Variants in MACROD1 observed in about 807,000 individuals in gnomAD.
The protein encoded by MACROD1 is mono-ADP ribosylhydrolase 1, also known as ADP-ribose glycohydrolase MACROD1.
A neutral mutation model predicts 41.4 loss-of-function variants in MACROD1; 31 were observed. The ratio of observed to expected loss-of-function variants is 0.75; its 90% CI spans 0.56 to 1.01. MACROD1 has a LOEUF of 1.01. MACROD1 is among the 50% of genes least tolerant of loss of function. The pLI, the probability that MACROD1 is intolerant of heterozygous loss-of-function variation, is 0.00. For missense variants in MACROD1, 473 were observed against 460.0 expected (o/e 1.03, Z -0.26); for synonymous variants, 252 against 203.4 (o/e 1.24, Z -2.03).
intron 5 of MACROD1, 148 bp from the exon 6 acceptor site, chr11:63,999,911 G>GC (rs35216413): frequency 7.6e-6 from 7 of 922,014 alleles, no homozygotes; most frequent in African/African-American, 1.7e-5. Context: ...ACCCCTGTGG[G>GC]CCCCCTCGAG....
At chr11:64,003,971 C>T (rs1366136495) in intron 4 of MACROD1, among the ~76,000 whole-genome samples, 2 of 152,350 alleles carry the variant, frequency 1.3e-5, no homozygotes, top group African/African-American at 2.4e-5. Flanking sequence ...CGGGACTTCC[C>T]GTCTCCTTCG....
At chr11:64,006,415 G>T (rs1050516701) in intron 4 of MACROD1, among the ~76,000 whole-genome samples, 1 of 152,174 alleles carries the variant, frequency 6.6e-6, no homozygotes, top group African/African-American at 2.4e-5. Flanking sequence ...TCCTCACCAG[G>T]CCCCACCCTC....
intron 3 of MACROD1, among the ~76,000 whole-genome samples, chr11:64,019,798 G>A (rs1448418056): frequency 1.3e-5 from 2 of 152,188 alleles, no homozygotes; most frequent in Non-Finnish European, 2.9e-5. Flanking sequence ...GAATGGGGGC[G>A]TGTGGGATCT....
intron 3 of MACROD1, among the ~76,000 whole-genome samples, chr11:64,054,056 G>T (rs1943740924): frequency 6.6e-6 from 1 of 152,200 alleles, no homozygotes; most frequent in Non-Finnish European, 1.5e-5. Flanking sequence ...CCTGGTGGCA[G>T]CAAGCAGCTG....
intron 3 of MACROD1, among the ~76,000 whole-genome samples, chr11:64,112,146 G>A (rs558972492): frequency 2.6e-5 from 4 of 152,210 alleles, no homozygotes; most frequent in African/African-American, 7.2e-5. Flanking sequence ...CATCTGCCAC[G>A]TGGGAAACAC....
intron 3 of MACROD1, among the ~76,000 whole-genome samples, chr11:64,106,674 G>C (rs1944768166): frequency 6.6e-6 from 1 of 152,132 alleles, no homozygotes; most frequent in Admixed American, 6.5e-5. Flanking sequence ...TGGTCACACT[G>C]CTCCTCTCCA....
intron 3 of MACROD1, among the ~76,000 whole-genome samples, chr11:64,015,927 C>T (rs1043226752): frequency 2.0e-5 from 3 of 152,200 alleles, no homozygotes; most frequent in Admixed American, 6.5e-5. Context: ...AGCGGGGTGA[C>T]TGGGGCCATG....
chr11:64,139,007 T>G (rs1945372073), intron 3 of MACROD1, among the ~76,000 whole-genome samples: 1 of 152,178 alleles, frequency 6.6e-6, no homozygotes, highest in South Asian at 2.1e-4. Flanking sequence ...CCTCAGGTGA[T>G]CCACCCACCT....
rs112848802 is a variant in MACROD1 at position 64,036,683 on chromosome 11, T to A, written c.518-21402A>T. On this transcript the variant is annotated intron_variant, in intron 3 of 10. Transcript: ENST00000255681. This position sits in a 1 kb window ranked among gnomAD's most constrained non-coding sequence, Gnocchi z 5.6. Reference sequence around the variant, plus strand: ...TTTTAAAACGACTTCAAGGGGGGCATGAGCAGCCTCCAACTTCCCTCCCTG... The same window carrying A: ...TTTTAAAACGACTTCAAGGGGGGCAAGAGCAGCCTCCAACTTCCCTCCCTG... Among the ~76,000 whole-genome samples, 1,616 of 151,988 alleles carry A rather than the reference T, an allele frequency of 0.011. 28 individuals are homozygous for A. Among genetic ancestry groups the A allele is most frequent in the African/African-American group, 0.036 (1,486 of 41,456 alleles).
intron 3 of MACROD1, among the ~76,000 whole-genome samples, chr11:64,097,703 C>T (rs1166321711): frequency 1.3e-5 from 2 of 152,236 alleles, no homozygotes; most frequent in Non-Finnish European, 2.9e-5. Context: ...CCCTGCTACT[C>T]GGGTGCCATG....
intron 9 of MACROD1, 26 bp downstream of exon 9, chr11:63,998,929 G>A: frequency 6.4e-7 from 1 of 1,557,142 alleles, no homozygotes; most frequent in South Asian, 1.2e-5. Flanking sequence ...GCAGGGGCGG[G>A]CCGTGGGGCG....
chr11:64,102,892 C>T (rs1224790484), intron 3 of MACROD1, among the ~76,000 whole-genome samples: 3 of 151,944 alleles, frequency 2.0e-5, no homozygotes. Flanking sequence ...TATGGTGAAA[C>T]CCCATCTCTA....
chr11:64,059,951 T>C (rs1308507697), intron 3 of MACROD1, among the ~76,000 whole-genome samples: 2 of 152,070 alleles, frequency 1.3e-5, no homozygotes, highest in African/African-American at 4.8e-5. Context: ...TTGGGGGATG[T>C]TGGGGGGCCG....
chr11:64,092,807 T>C (rs933281652), intron 3 of MACROD1, among the ~76,000 whole-genome samples: 1 of 152,204 alleles, frequency 6.6e-6, no homozygotes, highest in Non-Finnish European at 1.5e-5. Context: ...TCCCCAAGCA[T>C]GGTTTGAAGA....
intron 1 of MACROD1, among the ~76,000 whole-genome samples, chr11:64,162,108 G>A (rs931256959): frequency 2.0e-5 from 3 of 151,740 alleles, no homozygotes; most frequent in African/African-American, 7.3e-5. Context: ...TTGGGAGGCC[G>A]AGGTGGGTAG....
chr11:64,052,814 GC>G (rs1215024179), intron 3 of MACROD1, among the ~76,000 whole-genome samples: 2 of 152,194 alleles, frequency 1.3e-5, no homozygotes, highest in Non-Finnish European at 2.9e-5. Flanking sequence ...TGGTCCAGGG[GC>G]CCTTTGCCCA....
In MACROD1 at chr11:63,999,517, C is replaced by T; in HGVS notation, c.817+13G>A. ...CCGCCCACTCCTGGTCCTTGCCTTTCTTCCAGACTCACCAAACACGCCGGT... is the reference window on the plus strand; with the variant it reads ...CCGCCCACTCCTGGTCCTTGCCTTTTTTCCAGACTCACCAAACACGCCGGT... On this transcript the variant is annotated intron_variant, in intron 7 of 10. Coordinates refer to ENST00000255681, the MANE Select transcript of MACROD1 (RefSeq NM_014067.4). 6.2e-7 allele frequency: 1 copy of T among 1,605,392 alleles called. No individual in the cohort carries two copies. Among genetic ancestry groups the T allele is most frequent in the Non-Finnish European group, 8.5e-7 (1 of 1,176,666 alleles).
chr11:64,164,321 C>G (rs1945801570), intron 1 of MACROD1, among the ~76,000 whole-genome samples: 1 of 152,260 alleles, frequency 6.6e-6, no homozygotes, highest in African/African-American at 2.4e-5. Flanking sequence ...CGGTTGCTTT[C>G]CTGGCACCAA....
intron 4 of MACROD1, among the ~76,000 whole-genome samples, chr11:64,000,961 CGCCCGGGCCCGAGT>C (rs1942814801): frequency 6.6e-6 from 1 of 152,262 alleles, no homozygotes; most frequent in Non-Finnish European, 1.5e-5. Context: ...GTGAGCCCGA[CGCCCGGGCCCGAGT>C]CTCCTGGCGC....
Sources: gnomAD v4.1 joint callset for allele counts (sites outside exome capture counted in the v4.1 genomes callset) on GRCh38, gnomAD v4.1.1 for gene constraint, Gnocchi (gnomAD v3.1) non-coding constraint, MANE v1.5 for transcripts, NCBI Gene and HGNC (gene_info 2026-07-23, HGNC 2026-07-21) for gene names.